The following GRM8 variants were observed in gnomAD, a reference collection of about 807,000 sequenced individuals.
GRM8 encodes glutamate metabotropic receptor 8.
Under a neutral mutation model 87.2 loss-of-function variants are expected in GRM8, and 47 were observed. The observed-to-expected ratio is 0.54, with a 90% CI of 0.43 to 0.69. The LOEUF (loss-of-function observed/expected upper bound fraction) is 0.69. Among genes scored for constraint, GRM8 ranks in the 30% least tolerant of loss-of-function variants. GRM8 has a pLI of 0.00. For synonymous variants in GRM8, 396 were observed against 404.5 expected (o/e 0.98, Z 0.25); for missense variants, 1,019 against 1,139.2 (o/e 0.89, Z 1.52).
chr7:127,059,062 C>T (rs571477727), intron 3 of GRM8, among the ~76,000 whole-genome samples: 4 of 152,230 alleles, frequency 2.6e-5, no homozygotes, highest in East Asian at 1.9e-4. Context: ...TCAAGACAAC[C>T]TGCTAAGGGC....
chr7:127,090,264 C>T (rs887424485), intron 3 of GRM8, among the ~76,000 whole-genome samples: 3 of 152,224 alleles, frequency 2.0e-5, no homozygotes, highest in Non-Finnish European at 4.4e-5. Context: ...TTTACCAGAT[C>T]TGTAAATTCC....
intron 3 of GRM8, among the ~76,000 whole-genome samples, chr7:127,026,943 T>A (rs1432888105): frequency 6.6e-6 from 1 of 152,230 alleles, no homozygotes; most frequent in African/African-American, 2.4e-5. Flanking sequence ...GTCTAGGTTT[T>A]CTTCTACGGT....
chr7:126,639,714 C>T (rs1246825973), intron 7 of GRM8, among the ~76,000 whole-genome samples: 1 of 152,122 alleles, frequency 6.6e-6, no homozygotes, highest in African/African-American at 2.4e-5. Flanking sequence ...TAGGGGACAA[C>T]AATATTGGGA....
intron 2 of GRM8, among the ~76,000 whole-genome samples, chr7:127,177,929 C>A (rs1380325014): frequency 6.6e-6 from 1 of 152,140 alleles, no homozygotes. Context: ...GGTAATATGA[C>A]AATACAACGC....
intron 3 of GRM8, among the ~76,000 whole-genome samples, chr7:126,920,278 T>C (rs1015979781): frequency 2.0e-4 from 30 of 152,116 alleles, no homozygotes; most frequent in African/African-American, 6.3e-4. Context: ...GATAAATAAA[T>C]GTCTCTTGTT....
intron 3 of GRM8, among the ~76,000 whole-genome samples, chr7:127,101,279 G>T (rs1393133349): frequency 1.3e-5 from 2 of 152,124 alleles, no homozygotes; most frequent in Non-Finnish European, 2.9e-5. Flanking sequence ...TGGTCTCCTT[G>T]TCTTCTACTT....
At chr7:126,877,970 G>A (rs1161844582) in intron 6 of GRM8, among the ~76,000 whole-genome samples, 1 of 152,124 alleles carries the variant, frequency 6.6e-6, no homozygotes, top group Non-Finnish European at 1.5e-5. Context: ...TCACGTTAAA[G>A]AAACTGGGAT....
intron 8 of GRM8, among the ~76,000 whole-genome samples, chr7:126,603,681 G>A (rs1798053955): frequency 6.6e-6 from 1 of 152,040 alleles, no homozygotes. Flanking sequence ...GTAGGAAAAG[G>A]AGTGCATCAT....
chr7:126,800,392 T>C (rs989055673), intron 6 of GRM8, among the ~76,000 whole-genome samples: 3 of 152,122 alleles, frequency 2.0e-5, no homozygotes, highest in African/African-American at 7.2e-5. Context: ...TTCAGTAGAC[T>C]TTCCCCCCAT....
chr7:126,914,505 C>T lies in GRM8; in HGVS notation c.728-9822G>A, dbSNP rs112820361. On this transcript the variant is annotated intron_variant, in intron 3 of 10. Coordinates refer to ENST00000339582, the MANE Select transcript of GRM8 (RefSeq NM_000845.3). The stretch of plus-strand genomic sequence containing the variant: ...CACAGCACTATTACAATAGCAAAGA[C>T]GTGGAATCAACCTAGGTGCCCATCA... Among the ~76,000 whole-genome samples the T allele has an allele frequency of 8.6e-3, 1,314 of 152,236 alleles. 9 individuals are homozygous for T. The highest frequency in any genetic ancestry group is 0.029 in the African/African-American group (1,212 of 41,532).
rs188744883 is a variant in GRM8 at position 126,728,579 on chromosome 7, C to G, written c.1357+41286G>C. Among the ~76,000 whole-genome samples the G allele has an allele frequency of 1.4e-3, 211 of 152,216 alleles. 1 individual carries two copies. The highest frequency in any genetic ancestry group is 4.8e-3 in the African/African-American group (200 of 41,548). On this transcript the variant is annotated intron_variant, in intron 7 of 10. Transcript: ENST00000339582. ...CCCACACTGGCTCTGGAGAGGTGGG[C>G]CGTCCACACAAATGCACAAATAAGA...
intron 3 of GRM8, among the ~76,000 whole-genome samples, chr7:127,056,735 C>T (rs1434146652): frequency 1.3e-5 from 2 of 152,150 alleles, no homozygotes; most frequent in Non-Finnish European, 2.9e-5. Flanking sequence ...AATGATAATT[C>T]ACAAATTTGC....
At chr7:126,471,463 C>T (rs2150558214) in intron 9 of GRM8, among the ~76,000 whole-genome samples, 1 of 152,028 alleles carries the variant, frequency 6.6e-6, no homozygotes, top group East Asian at 1.9e-4. Flanking sequence ...TTCCCCATTG[C>T]TTGTTTTTCT....
chr7:126,577,728 A>G (rs1184091642), intron 8 of GRM8, among the ~76,000 whole-genome samples: 2 of 152,190 alleles, frequency 1.3e-5, no homozygotes, highest in Non-Finnish European at 2.9e-5. Flanking sequence ...ATAAATCTCT[A>G]TGTAACCCAA....
At chr7:127,208,402 G>T (rs74919869) in intron 2 of GRM8, among the ~76,000 whole-genome samples, 3,151 of 152,182 alleles carry the variant, frequency 0.021, 106 homozygotes, top group African/African-American at 0.072. Flanking sequence ...AATAGCCTCT[G>T]CAAGAGGCTA....
chr7:127,201,464 T>C (rs1242548811), intron 2 of GRM8, among the ~76,000 whole-genome samples: 2 of 152,338 alleles, frequency 1.3e-5, no homozygotes, highest in East Asian at 3.9e-4. Context: ...TAACAAGTCT[T>C]TAACTTTGTT....
intron 3 of GRM8, among the ~76,000 whole-genome samples, chr7:127,054,523 A>G (rs11563762): frequency 0.08 from 12,137 of 152,230 alleles, 525 homozygotes; most frequent in South Asian, 0.13. Flanking sequence ...ACAGCAAAAC[A>G]TCTGACAGAA....
intron 8 of GRM8, among the ~76,000 whole-genome samples, chr7:126,581,854 TACACCTATATAAGTCA>T (rs1795642552): frequency 6.6e-6 from 1 of 152,164 alleles, no homozygotes; most frequent in African/African-American, 2.4e-5. Flanking sequence ...GCAACAGAAC[TACACCTATATAAGTCA>T]ACACAGATAA....
chr7:127,002,014 A>G (rs1813774493), intron 3 of GRM8, among the ~76,000 whole-genome samples: 1 of 151,678 alleles, frequency 6.6e-6, no homozygotes, highest in Non-Finnish European at 1.5e-5. Context: ...AGCACACATC[A>G]TTGATTGCCT....
Sources: allele counts gnomAD v4.1 joint callset (sites outside exome capture counted in the v4.1 genomes callset), GRCh38; gene constraint gnomAD v4.1.1; transcripts MANE v1.5; gene names NCBI Gene and HGNC (gene_info 2026-07-23, HGNC 2026-07-21).